Variants in RGS9 observed in about 807,000 individuals in gnomAD.
RGS9 encodes the protein regulator of G protein signaling 9.
Under a neutral mutation model 102.0 loss-of-function variants are expected in RGS9, and 78 were observed. The observed-to-expected ratio is 0.76, with a 90% CI of 0.64 to 0.92. The LOEUF (loss-of-function observed/expected upper bound fraction) is 0.92. Among genes scored for constraint, RGS9 ranks in the 40% least tolerant of loss-of-function variants. The pLI is 0.00. For synonymous variants in RGS9, 353 were observed against 318.6 expected (o/e 1.11, Z -1.15); for missense variants, 833 against 866.1 (o/e 0.96, Z 0.48).
At chr17:65,222,004 C>T (rs1913720427) in intron 17 of RGS9, among the ~76,000 whole-genome samples, 1 of 152,236 alleles carries the variant, frequency 6.6e-6, no homozygotes, top group South Asian at 2.1e-4. Context: ...AGCTCAGGGT[C>T]TCACATTCAA....
chr17:65,226,617 GTT>G (rs142345483), intron 18 of RGS9, among the ~76,000 whole-genome samples: 3 of 142,184 alleles, frequency 2.1e-5, no homozygotes, highest in Non-Finnish European at 1.5e-5. Context: ...TTGTCTGGGT[GTT>G]TTTTTTTTTT....
At chr17:65,199,502 T>G (rs1407116124) in intron 13 of RGS9, among the ~76,000 whole-genome samples, 1 of 146,534 alleles carries the variant, frequency 6.8e-6, no homozygotes, top group Non-Finnish European at 1.5e-5. Flanking sequence ...TTTTTTTTTT[T>G]TTTTTTTTTT....
At chr17:65,143,557 G>A (rs1261179279) in intron 1 of RGS9, among the ~76,000 whole-genome samples, 1 of 152,136 alleles carries the variant, frequency 6.6e-6, no homozygotes, top group Non-Finnish European at 1.5e-5. Flanking sequence ...CAAGGTGGGT[G>A]GATCACTTGA....
At chr17:65,201,550 A>G (rs1912845419) in intron 13 of RGS9, among the ~76,000 whole-genome samples, 1 of 152,242 alleles carries the variant, frequency 6.6e-6, no homozygotes, top group Non-Finnish European at 1.5e-5. Flanking sequence ...CAACGCATGT[A>G]TAGAAGCCTA....
intron 2 of RGS9, 140 bp from the exon 3 acceptor site, chr17:65,158,155 G>A (rs1567863950): frequency 3.8e-6 from 3 of 799,226 alleles, no homozygotes; most frequent in South Asian, 1.4e-5. Context: ...GCATGATGAG[G>A]TGGGGGTTTC....
chr17:65,148,642 G>A (rs1017632807), intron 1 of RGS9, among the ~76,000 whole-genome samples: 3 of 152,092 alleles, frequency 2.0e-5, no homozygotes, highest in Non-Finnish European at 2.9e-5. Flanking sequence ...CACCATCTAG[G>A]GAGATTCTGT....
chr17:65,185,786 C>T (rs893689686), intron 9 of RGS9, among the ~76,000 whole-genome samples: 1 of 152,146 alleles, frequency 6.6e-6, no homozygotes, highest in Non-Finnish European at 1.5e-5. Flanking sequence ...ATTGTAAACC[C>T]CCGAAGACTG....
intron 14 of RGS9, among the ~76,000 whole-genome samples, chr17:65,203,826 C>A (rs939010109): frequency 6.6e-6 from 1 of 152,206 alleles, no homozygotes; most frequent in East Asian, 1.9e-4. Context: ...CCCCTGGAAT[C>A]CTGGTGCAGA....
chr17:65,146,534 G>A (rs1270605232), intron 1 of RGS9, among the ~76,000 whole-genome samples: 6 of 147,294 alleles, frequency 4.1e-5, no homozygotes, highest in Non-Finnish European at 8.9e-5. Flanking sequence ...GTTGCAATGA[G>A]CCAAGATCCG....
At chr17:65,201,289 G>A (rs1209342074) in intron 13 of RGS9, among the ~76,000 whole-genome samples, 2 of 152,138 alleles carry the variant, frequency 1.3e-5, no homozygotes, top group Non-Finnish European at 2.9e-5. Flanking sequence ...TTTCCTTCTG[G>A]GCCAATCCCC....
chr17:65,216,257 T>A (rs1913518522), intron 17 of RGS9, among the ~76,000 whole-genome samples: 1 of 152,240 alleles, frequency 6.6e-6, no homozygotes, highest in Non-Finnish European at 1.5e-5. Context: ...TTATCAAAAC[T>A]GAATGTTACA....
At chr17:65,221,066 C>T (rs1183237794) in intron 17 of RGS9, among the ~76,000 whole-genome samples, 1 of 152,076 alleles carries the variant, frequency 6.6e-6, no homozygotes, top group Non-Finnish European at 1.5e-5. Flanking sequence ...ATTGTGGGAA[C>T]GGGTGGAAAA....
intron 9 of RGS9, among the ~76,000 whole-genome samples, chr17:65,181,893 A>G (rs919761471): frequency 5.9e-5 from 9 of 152,246 alleles, no homozygotes; most frequent in Non-Finnish European, 1.3e-4. Context: ...GACACTCCAC[A>G]CACAGCTGGT....
intron 17 of RGS9, among the ~76,000 whole-genome samples, chr17:65,223,698 A>G (rs1039677932): frequency 2.0e-5 from 3 of 149,910 alleles, no homozygotes; most frequent in African/African-American, 7.4e-5. Flanking sequence ...ACTGTCCTGG[A>G]GCCCCTCACC....
intron 1 of RGS9, among the ~76,000 whole-genome samples, chr17:65,152,560 T>C (rs1910618738): frequency 6.6e-6 from 1 of 152,208 alleles, no homozygotes; most frequent in African/African-American, 2.4e-5. Flanking sequence ...AGACAGGGTC[T>C]CGCTCTGTCA....
intron 9 of RGS9, among the ~76,000 whole-genome samples, chr17:65,182,646 A>G (rs1911927800): frequency 6.6e-6 from 1 of 152,244 alleles, no homozygotes; most frequent in Admixed American, 6.5e-5. Context: ...GAAGAAAACA[A>G]AATAGAGAGA....
intron 1 of RGS9, among the ~76,000 whole-genome samples, chr17:65,143,050 C>T (rs1417514104): frequency 6.6e-6 from 1 of 152,078 alleles, no homozygotes; most frequent in African/African-American, 2.4e-5. Flanking sequence ...TGCCATCATG[C>T]CAGGCTTAAC....
At chr17:65,213,643 T>C (rs1913388212) in intron 17 of RGS9, among the ~76,000 whole-genome samples, 1 of 152,078 alleles carries the variant, frequency 6.6e-6, no homozygotes, top group African/African-American at 2.4e-5. Context: ...CTTGTTCATC[T>C]TTGGCTCAGG....
chr17:65,157,292 C>T (rs868193146), intron 2 of RGS9, among the ~76,000 whole-genome samples: 2 of 151,934 alleles, frequency 1.3e-5, no homozygotes, highest in Non-Finnish European at 1.5e-5. Context: ...TGCGGTGCTT[C>T]GTTCCAGGGC....
Sources: allele counts gnomAD v4.1 joint callset (sites outside exome capture counted in the v4.1 genomes callset), GRCh38; gene constraint gnomAD v4.1.1; transcripts MANE v1.5; gene names NCBI Gene and HGNC (gene_info 2026-07-23, HGNC 2026-07-21).